The following PDE4D variants were observed in gnomAD, a reference collection of about 807,000 sequenced individuals.
The protein encoded by PDE4D is 3',5'-cyclic-AMP phosphodiesterase 4D.
A neutral mutation model predicts 87.4 loss-of-function variants in PDE4D; 24 were observed. The ratio of observed to expected loss-of-function variants is 0.27; its 90% CI spans 0.20 to 0.39. The LOEUF (loss-of-function observed/expected upper bound fraction) is 0.39. Ranked by LOEUF, PDE4D falls within the 10% of genes least tolerant of loss-of-function variation. PDE4D has a pLI of 1.00. For missense variants in PDE4D, 714 were observed against 1,041.0 expected (o/e 0.69, Z 4.32); for synonymous variants, 384 against 383.2 (o/e 1.00, Z -0.02).
chr5:59,865,681 T>C (rs1235317560), intron 1 of PDE4D, among the ~76,000 whole-genome samples: 1 of 152,238 alleles, frequency 6.6e-6, no homozygotes, highest in East Asian at 1.9e-4. Flanking sequence ...TTCACTTTCC[T>C]TTTTATATCC....
At chr5:60,485,415 G>T (rs1257189554) in intron 1 of PDE4D, among the ~76,000 whole-genome samples, 3 of 150,604 alleles carry the variant, frequency 2.0e-5, no homozygotes, top group Non-Finnish European at 4.4e-5. Context: ...AAAACCCACT[G>T]GAAAATGTAA....
intron 1 of PDE4D, among the ~76,000 whole-genome samples, chr5:59,817,479 T>C (rs1769102642): frequency 6.6e-6 from 1 of 152,200 alleles, no homozygotes; most frequent in Admixed American, 6.5e-5. Flanking sequence ...GTCACCACTA[T>C]GGACTGTATT....
intron 5 of PDE4D, among the ~76,000 whole-genome samples, chr5:59,068,009 C>G (rs571327267): frequency 6.6e-6 from 1 of 152,084 alleles, no homozygotes; most frequent in Non-Finnish European, 1.5e-5. Flanking sequence ...CTAAGACTAT[C>G]GTAATGAAGT....
chr5:59,337,414 C>T (rs569239803), intron 1 of PDE4D, among the ~76,000 whole-genome samples: 1 of 144,636 alleles, frequency 6.9e-6, no homozygotes, highest in Non-Finnish European at 1.5e-5. Flanking sequence ...TCACTGCAGG[C>T]TCCGTCCCCC....
chr5:58,983,369 C>T (rs1191803005), intron 11 of PDE4D, among the ~76,000 whole-genome samples: 5 of 152,336 alleles, frequency 3.3e-5, no homozygotes, highest in East Asian at 1.9e-4. Flanking sequence ...AGTGTCTGCT[C>T]GGACCTGATA....
At chr5:59,139,284 C>T (rs939850498) in intron 5 of PDE4D, among the ~76,000 whole-genome samples, 4 of 152,202 alleles carry the variant, frequency 2.6e-5, no homozygotes, top group Non-Finnish European at 5.9e-5. Context: ...AACTTCCTGA[C>T]AATGTTTGTT....
intron 2 of PDE4D, among the ~76,000 whole-genome samples, chr5:60,052,444 A>T (rs907055062): frequency 2.6e-5 from 4 of 152,192 alleles, no homozygotes; most frequent in Non-Finnish European, 5.9e-5. Context: ...AAACCTCATG[A>T]TTATCTCAAT....
At chr5:59,689,315 T>A (rs1750488804) in intron 1 of PDE4D, among the ~76,000 whole-genome samples, 1 of 152,140 alleles carries the variant, frequency 6.6e-6, no homozygotes, top group Non-Finnish European at 1.5e-5. Context: ...GATGCAAATA[T>A]CCTTAATAAA....
At chr5:59,137,731 T>A (rs561588900) in intron 5 of PDE4D, among the ~76,000 whole-genome samples, 1 of 152,184 alleles carries the variant, frequency 6.6e-6, no homozygotes, top group African/African-American at 2.4e-5. Context: ...TTTCACCGTA[T>A]TAACCAGGAT....
intron 1 of PDE4D, among the ~76,000 whole-genome samples, chr5:60,473,042 CAGAA>C (rs1371927496): frequency 1.4e-5 from 2 of 140,600 alleles, no homozygotes; most frequent in South Asian, 4.4e-4. Context: ...GACAGACAGA[CAGAA>C]GGAAGGAAGG....
intron 1 of PDE4D, among the ~76,000 whole-genome samples, chr5:60,374,872 T>C (rs1425126882): frequency 1.3e-5 from 2 of 152,230 alleles, no homozygotes; most frequent in Non-Finnish European, 2.9e-5. Context: ...TATGCACATA[T>C]ACATATATAT....
At chr5:60,273,879 G>A (rs1184802043) in intron 1 of PDE4D, among the ~76,000 whole-genome samples, 1 of 152,198 alleles carries the variant, frequency 6.6e-6, no homozygotes, top group Non-Finnish European at 1.5e-5. Flanking sequence ...TCAGTGACAA[G>A]CCAGAGAGAG....
intron 2 of PDE4D, among the ~76,000 whole-genome samples, chr5:60,033,302 T>C (rs1028814069): frequency 3.3e-5 from 5 of 152,166 alleles, no homozygotes; most frequent in Non-Finnish European, 7.4e-5. Flanking sequence ...CTCCAGTGTC[T>C]GATAACTACC....
At chr5:59,411,598 C>G (rs1434364838) in intron 1 of PDE4D, among the ~76,000 whole-genome samples, 1 of 152,148 alleles carries the variant, frequency 6.6e-6, no homozygotes, top group Non-Finnish European at 1.5e-5. Flanking sequence ...ATGGTTGTCT[C>G]TGTGTGCATG....
chr5:59,498,973 T>C (rs748397080), intron 1 of PDE4D, among the ~76,000 whole-genome samples: 2 of 152,106 alleles, frequency 1.3e-5, no homozygotes, highest in Non-Finnish European at 2.9e-5. Context: ...GAATATGCAT[T>C]CTTCTCATCT....
At chr5:59,666,188 T>C (rs777340180) in intron 1 of PDE4D, among the ~76,000 whole-genome samples, 22 of 152,168 alleles carry the variant, frequency 1.4e-4, no homozygotes, top group Non-Finnish European at 2.8e-4. Flanking sequence ...CTCGAACTCC[T>C]GACCTCAGGT....
In PDE4D at chr5:59,595,962, C is replaced by T. The variant is rs999377472; in HGVS notation, c.455+297206G>A. ...CATATATATTGTCAATCTAATTTAACGCTTCTTTAATATTCTGCCAGTACT... is the reference window on the plus strand; with the variant it reads ...CATATATATTGTCAATCTAATTTAATGCTTCTTTAATATTCTGCCAGTACT... On this transcript the variant is annotated intron_variant, in intron 1 of 14. Coordinates refer to ENST00000340635, the MANE Select transcript of PDE4D (RefSeq NM_001104631.2). Among the ~76,000 whole-genome samples the T allele has an allele frequency of 2.0e-4, 30 of 151,822 alleles. 1 individual carries two copies. The highest frequency in any genetic ancestry group is 1.6e-3 in the Admixed American group (25 of 15,214).
intron 1 of PDE4D, among the ~76,000 whole-genome samples, chr5:59,889,403 C>T (rs1366888615): frequency 6.6e-6 from 1 of 151,720 alleles, no homozygotes; most frequent in Non-Finnish European, 1.5e-5. Flanking sequence ...ATCACTTGAG[C>T]ACATGTGTTC....
intron 5 of PDE4D, chr5:59,039,960 C>G (rs1020029967): frequency 6.6e-6 from 1 of 152,220 alleles, no homozygotes; most frequent in Admixed American, 6.5e-5. Context: ...GCGCACCTGT[C>G]TCGCTAGAAC....
Sources: gnomAD v4.1 joint callset for allele counts (sites outside exome capture counted in the v4.1 genomes callset) on GRCh38, gnomAD v4.1.1 for gene constraint, MANE v1.5 for transcripts, NCBI Gene and HGNC (gene_info 2026-07-23, HGNC 2026-07-21) for gene names.